Variants in CCNY observed in about 807,000 individuals in gnomAD.
The protein encoded by CCNY is cyclin Y.
CCNY carries 19 observed loss-of-function variants against 42.8 expected under a neutral mutation model. The observed-to-expected ratio is 0.44, with a 90% confidence interval of 0.31 to 0.65. The LOEUF (loss-of-function observed/expected upper bound fraction) is 0.65, where lower values mean the gene tolerates loss of function less well. Ranked by LOEUF, CCNY falls within the 30% of genes least tolerant of loss-of-function variation. The pLI is 0.07. For missense variants in CCNY, 370 were observed against 437.3 expected, an observed-to-expected ratio of 0.85 and a Z score of 1.37; for synonymous variants, 165 against 162.7, an observed-to-expected ratio of 1.01 and a Z score of -0.11.
chr10:35,333,244 C>G (rs549708056), upstream of CCNY, among the ~76,000 whole-genome samples: 11 of 152,278 alleles, frequency 7.2e-5, no homozygotes, highest in African/African-American at 2.6e-4. Flanking sequence ...TGGGCTAGAT[C>G]CACACTCTAT....
At chr10:35,355,630 A>G (rs929989543) in intron 1 of CCNY, among the ~76,000 whole-genome samples, 8 of 119,798 alleles carry the variant, frequency 6.7e-5, no homozygotes, top group African/African-American at 2.5e-4. Context: ...GTGAGCCAAT[A>G]TTGCGCCATT....
chr10:35,256,290 T>C (rs114598202), intron 3 of CCNY, among the ~76,000 whole-genome samples: 4,117 of 137,616 alleles, frequency 0.03, 180 homozygotes, highest in African/African-American at 0.1. Context: ...TTACTATCTT[T>C]TGTGTTTACT....
chr10:35,378,688 G>A (rs1837109419), intron 1 of CCNY, among the ~76,000 whole-genome samples: 1 of 152,060 alleles, frequency 6.6e-6, no homozygotes, highest in South Asian at 2.1e-4. Context: ...GAGTCAGGAT[G>A]GCTTGCAGAG....
intron 3 of CCNY, among the ~76,000 whole-genome samples, chr10:35,260,948 A>G (rs1239366442): frequency 6.6e-6 from 1 of 152,136 alleles, no homozygotes; most frequent in South Asian, 2.1e-4. Context: ...CCGTCTCTAC[A>G]AAAAATAAAA....
rs187158868 is a variant in CCNY at position 35,404,964 on chromosome 10, G to A, written c.154+67757G>A. On this transcript the variant is annotated intron_variant, in intron 1 of 9. Transcript: ENST00000374704. ...AGAGGCTGGTATGAAGGGTGCAAAG[G>A]AATAGTAAAGAAAGCATGTTTGAGA... Among the ~76,000 whole-genome samples, 30 of 152,264 alleles carry A rather than the reference G, an allele frequency of 2.0e-4. No individual in the cohort carries two copies. The East Asian group carries it at 5.6e-3, about 28-fold the overall frequency.
intron 1 of CCNY, among the ~76,000 whole-genome samples, chr10:35,472,122 C>A (rs1386372446): frequency 6.6e-6 from 1 of 152,140 alleles, no homozygotes; most frequent in African/African-American, 2.4e-5. Flanking sequence ...CCCATTATTT[C>A]TGGGGACCCT....
At chr10:35,274,834 C>A (rs1352302707) in intron 3 of CCNY, among the ~76,000 whole-genome samples, 1 of 151,960 alleles carries the variant, frequency 6.6e-6, no homozygotes, top group Admixed American at 6.6e-5. Flanking sequence ...AGTGCTAATG[C>A]GCTGTAGTAA....
intron 1 of CCNY, among the ~76,000 whole-genome samples, chr10:35,481,254 T>C (rs1028364756): frequency 6.6e-6 from 1 of 152,200 alleles, no homozygotes; most frequent in Non-Finnish European, 1.5e-5. Context: ...GTCCCATTAT[T>C]GGAGGCTGTC....
chr10:35,534,954 T>C (rs1033834361), intron 7 of CCNY, among the ~76,000 whole-genome samples: 39 of 139,524 alleles, frequency 2.8e-4, no homozygotes, highest in Admixed American at 9.3e-4. Flanking sequence ...TGGGGATACA[T>C]ACACACACAC....
At chr10:35,412,695 CAAAAAA>C (rs397845404) in intron 1 of CCNY, among the ~76,000 whole-genome samples, 2 of 126,152 alleles carry the variant, frequency 1.6e-5, no homozygotes, top group Non-Finnish European at 3.4e-5. Context: ...TACTAAAATA[CAAAAAA>C]AAAAAAAAAA....
At chr10:35,469,803 T>TGGAGATGGAGAGATAG (rs1247075238) in intron 1 of CCNY, among the ~76,000 whole-genome samples, 2 of 77,788 alleles carry the variant, frequency 2.6e-5, no homozygotes, top group Non-Finnish European at 5.3e-5. Flanking sequence ...GAGACAGATA[T>TGGAGATGGAGAGATAG]GGAGATGGAG....
At chr10:35,441,145 GTC>G (rs1210745287) in intron 1 of CCNY, among the ~76,000 whole-genome samples, 2 of 152,212 alleles carry the variant, frequency 1.3e-5, no homozygotes, top group Non-Finnish European at 2.9e-5. Flanking sequence ...GTCAGGGAGA[GTC>G]TGTAGCACTG....
At chr10:35,451,306 C>T (rs962969065) in intron 1 of CCNY, among the ~76,000 whole-genome samples, 7 of 152,142 alleles carry the variant, frequency 4.6e-5, no homozygotes, top group African/African-American at 1.7e-4. Flanking sequence ...ACTGATACTG[C>T]CTGGGTGTAG....
chr10:35,540,021 A>G (rs1041101384), intron 7 of CCNY, among the ~76,000 whole-genome samples: 2 of 152,236 alleles, frequency 1.3e-5, no homozygotes, highest in African/African-American at 2.4e-5. Context: ...AAATAGAGAT[A>G]GTTTTACTTC....
intron 1 of CCNY, among the ~76,000 whole-genome samples, chr10:35,461,992 G>T (rs1365326581): frequency 1.3e-5 from 2 of 151,696 alleles, no homozygotes; most frequent in Non-Finnish European, 1.5e-5. Flanking sequence ...TTATATTCCA[G>T]GCTCCTCTAA....
chr10:35,404,608 T>C (rs1837717170), intron 1 of CCNY, among the ~76,000 whole-genome samples: 2 of 152,094 alleles, frequency 1.3e-5, no homozygotes, highest in Admixed American at 6.5e-5. Context: ...CGGATTTACC[T>C]TCCACTGTAA....
rs1469447848 is a variant in CCNY, at chr10:35,336,850, C to CCGCCGCCGCCGCCGCCCATGGCGAGG, written c.-202_-177dup. 6.5e-6 allele frequency: 1 copy of CCGCCGCCGCCGCCGCCCATGGCGAGG among 153,266 alleles called. No individual in the cohort carries two copies. Among genetic ancestry groups the CCGCCGCCGCCGCCGCCCATGGCGAGG allele is most frequent in the East Asian group, 2.0e-4 (1 of 5,092 alleles). The allele number at this position is 153,266 out of a possible 1,614,324, so 9.5% of individuals were successfully genotyped here. ...CGGGGCCGTCGCCCGCTCGTCGCCG[C>CCGCCGCCGCCGCCGCCCATGGCGAGG]CGCCGCCGCCGCCGCCCATGGCGAG... On this transcript the variant is annotated 5_prime_UTR_variant, in exon 1 of 10. It adds an upstream start codon to the 5' untranslated region. Coordinates refer to ENST00000374704, the MANE Select transcript of CCNY (RefSeq NM_145012.6).
chr10:35,542,665 C>T (rs980351100), intron 7 of CCNY, among the ~76,000 whole-genome samples: 3 of 152,214 alleles, frequency 2.0e-5, no homozygotes, highest in African/African-American at 7.2e-5. Context: ...CCGATGCCTG[C>T]CATTCAACCC....
intron 3 of CCNY, among the ~76,000 whole-genome samples, chr10:35,298,637 C>T (rs11593902): frequency 0.28 from 42,455 of 152,068 alleles, 6,255 homozygotes; most frequent in East Asian, 0.35. Flanking sequence ...TTGCCTCAGC[C>T]GCCTGAGTAG....
Sources: gnomAD v4.1 joint callset for allele counts (sites outside exome capture counted in the v4.1 genomes callset) on GRCh38, gnomAD v4.1.1 for gene constraint, MANE v1.5 for transcripts, NCBI Gene and HGNC (gene_info 2026-07-23, HGNC 2026-07-21) for gene names.